MIER2: variants seen among roughly 807,000 people sequenced by gnomAD.
The protein encoded by MIER2 is mesoderm induction early response protein 2.
A neutral mutation model predicts 67.6 loss-of-function variants in MIER2; 30 were observed. That is an observed-to-expected ratio of 0.44 (90% CI 0.33 to 0.60). MIER2 has a LOEUF of 0.60. Among genes scored for constraint, MIER2 ranks in the 20% least tolerant of loss-of-function variants. The pLI, the probability that MIER2 is intolerant of heterozygous loss-of-function variation, is 0.02. For synonymous variants in MIER2, 372 were observed against 312.6 expected, an observed-to-expected ratio of 1.19 and a Z score of -2.00; for missense variants, 702 against 745.1, an observed-to-expected ratio of 0.94 and a Z score of 0.67.
At chr19:320,581 GCCT>G (rs1414677828) in intron 7 of MIER2, among the ~76,000 whole-genome samples, 13 of 152,164 alleles carry the variant, frequency 8.5e-5, no homozygotes, top group Admixed American at 2.6e-4. Flanking sequence ...GCCTGACTCC[GCCT>G]CCTGTCAGAT....
At chr19:328,030 G>C (rs767013768) in intron 3 of MIER2, 41 bp from the exon 4 acceptor site, 4 of 1,605,722 alleles carry the variant, frequency 2.5e-6, no homozygotes. Context: ...AGGAGGGACG[G>C]CTCTGGGGGT....
Position 306,652 on chromosome 19 carries a change from G to C in MIER2, c.*38C>G, listed in dbSNP as rs201803724. On this transcript the variant is annotated 3_prime_UTR_variant, in exon 14 of 14. Transcript: ENST00000264819. ...GAGGCGGGCCCAGCGGCAGCGCTAA[G>C]TCCAGTCTGGGCCGCATACGCCGCC... 12 of 1,551,574 alleles carry C rather than the reference G, an allele frequency of 7.7e-6. No homozygotes were observed. In the Admixed American group the frequency reaches 1.6e-4, roughly 20 times the overall value.
chr19:326,655 C>G, intron 5 of MIER2, 57 bp from the exon 6 acceptor site: 3 of 1,327,078 alleles, frequency 2.3e-6, no homozygotes, highest in South Asian at 1.2e-5. Context: ...GCCTATACAA[C>G]CCCTTCTCTC....
chr19:329,522 T>C (rs560050799), intron 3 of MIER2, among the ~76,000 whole-genome samples: 1 of 152,274 alleles, frequency 6.6e-6, no homozygotes, highest in South Asian at 2.1e-4. Flanking sequence ...CTGCAGCCAG[T>C]GCATCCCTGC....
intron 3 of MIER2, among the ~76,000 whole-genome samples, chr19:330,717 G>A (rs976579668): frequency 2.0e-5 from 3 of 152,092 alleles, no homozygotes; most frequent in African/African-American, 7.2e-5. Context: ...CAGGATTAGT[G>A]TCCTTTCAAG....
intron 7 of MIER2, among the ~76,000 whole-genome samples, chr19:315,340 G>A (rs1324097160): frequency 6.6e-6 from 1 of 152,248 alleles, no homozygotes; most frequent in Admixed American, 6.5e-5. Flanking sequence ...ACTCCAGCCT[G>A]GGCGAGAAGA....
intron 5 of MIER2, chr19:326,898 G>A (rs909335022): frequency 1.0e-5 from 6 of 597,062 alleles, no homozygotes; most frequent in Non-Finnish European, 1.7e-5. Context: ...GGATCTGCTA[G>A]GGGAACCAAC....
chr19:329,176 G>C (rs765249916), intron 3 of MIER2, among the ~76,000 whole-genome samples: 2 of 152,060 alleles, frequency 1.3e-5, no homozygotes, highest in African/African-American at 2.4e-5. Context: ...CTCCTGCCCA[G>C]ACTCAACCTG....
intron 2 of MIER2, 50 bp downstream of exon 2, chr19:336,033 G>T: frequency 1.9e-6 from 3 of 1,563,094 alleles, no homozygotes; most frequent in Non-Finnish European, 2.6e-6. Flanking sequence ...GTCTCTCACA[G>T]CCACAAAGGC....
chr19:329,040 C>A (rs1971899703), intron 3 of MIER2, among the ~76,000 whole-genome samples: 1 of 152,168 alleles, frequency 6.6e-6, no homozygotes, highest in Non-Finnish European at 1.5e-5. Flanking sequence ...GCCTCTATTC[C>A]ACAGAGGCTA....
intron 1 of MIER2, chr19:344,267 C>T (rs1972636317): frequency 3.9e-5 from 38 of 985,400 alleles, no homozygotes; most frequent in Non-Finnish European, 4.6e-5. Context: ...TGACCCAGCC[C>T]CGCCGGGGGG....
chr19:317,398 G>A (rs1320056615), intron 7 of MIER2, among the ~76,000 whole-genome samples: 1 of 150,722 alleles, frequency 6.6e-6, no homozygotes, highest in Non-Finnish European at 1.5e-5. Context: ...GTCATGGCGG[G>A]TGCCTGTAGT....
chr19:343,932 T>C, intron 1 of MIER2: 1 of 985,462 alleles, frequency 1.0e-6, no homozygotes, highest in Non-Finnish European at 1.2e-6. Context: ...TGGTTTGACC[T>C]GACACGAAGC....
intron 7 of MIER2, among the ~76,000 whole-genome samples, chr19:314,108 G>A (rs72984434): frequency 0.13 from 19,691 of 152,132 alleles, 1,643 homozygotes; most frequent in African/African-American, 0.22. Flanking sequence ...GGACGCCCCC[G>A]ACTCTGCATA....
chr19:342,826 T>C (rs1028589933), intron 1 of MIER2, among the ~76,000 whole-genome samples: 3 of 151,972 alleles, frequency 2.0e-5, no homozygotes, highest in Admixed American at 1.3e-4. Flanking sequence ...TCAGACCTCC[T>C]AGCTCTGAAG....
At chr19:344,153 T>C in intron 1 of MIER2, 1 of 985,422 alleles carries the variant, frequency 1.0e-6, no homozygotes. Context: ...CCAACTCTTC[T>C]GAGATCAGCC....
At chr19:321,527 C>A (rs931252418) in intron 7 of MIER2, among the ~76,000 whole-genome samples, 2 of 152,014 alleles carry the variant, frequency 1.3e-5, no homozygotes, top group Non-Finnish European at 2.9e-5. Context: ...TGCCTGTACT[C>A]CCAGTTACTT....
intron 7 of MIER2, among the ~76,000 whole-genome samples, chr19:315,347 A>G (rs1971192996): frequency 6.6e-6 from 1 of 152,250 alleles, no homozygotes; most frequent in Admixed American, 6.5e-5. Flanking sequence ...CCTGGGCGAG[A>G]AGAGCGAGAC....
rs1161597606 is a variant in MIER2, at chr19:344,758, C to A, written c.9+16G>T. The A allele has an allele frequency of 8.5e-7, 1 of 1,180,818 alleles. No homozygotes were observed. Among genetic ancestry groups the A allele is most frequent in the Non-Finnish European group, 1.0e-6 (1 of 954,982 alleles). The allele number at this position is 1,180,818 out of a possible 1,614,324, so 73.1% of individuals were successfully genotyped here. On this transcript the variant is annotated intron_variant, in intron 1 of 13. Coordinates refer to ENST00000264819, the MANE Select transcript of MIER2 (RefSeq NM_017550.3). ...CGCGGGGGCGGGGGGCCGGCTCCCC[C>A]GGCCCGCTCACTCACCTCCGCCATG... is the stretch of plus-strand genomic sequence containing the variant.
Sources: allele counts gnomAD v4.1 joint callset (sites outside exome capture counted in the v4.1 genomes callset), GRCh38; gene constraint gnomAD v4.1.1; transcripts MANE v1.5; gene names NCBI Gene and HGNC (gene_info 2026-07-23, HGNC 2026-07-21).